Variants in SLC2A9 observed in about 807,000 individuals in gnomAD.
SLC2A9 encodes the protein solute carrier family 2 member 9, also known as solute carrier family 2, facilitated glucose transporter member 9.
Under a neutral mutation model 50.6 loss-of-function variants are expected in SLC2A9, and 39 were observed. The observed-to-expected ratio is 0.77, with a 90% CI of 0.60 to 1.01. The LOEUF (loss-of-function observed/expected upper bound fraction) is 1.01, where lower values mean the gene tolerates loss of function less well. Ranked by LOEUF, SLC2A9 falls within the 50% of genes least tolerant of loss-of-function variation. SLC2A9 has a pLI of 0.00. For missense variants in SLC2A9, 686 were observed against 677.6 expected, an observed-to-expected ratio of 1.01 and a Z score of -0.14; for synonymous variants, 324 against 276.9, an observed-to-expected ratio of 1.17 and a Z score of -1.69.
chr4:10,039,533 G>T (rs1369523855), intron 1 of SLC2A9, among the ~76,000 whole-genome samples: 1 of 152,160 alleles, frequency 6.6e-6, no homozygotes, highest in Non-Finnish European at 1.5e-5. Context: ...TCCTGCTTAT[G>T]CTAGGTGACG....
At chr4:9,968,223 A>G (rs1446305629) in intron 5 of SLC2A9, among the ~76,000 whole-genome samples, 1 of 152,130 alleles carries the variant, frequency 6.6e-6, no homozygotes, top group African/African-American at 2.4e-5. Context: ...TGGTATCTTC[A>G]TTTCTCAAGG....
chr4:9,816,872 C>T (rs1723670953), intron 3 of SLC2A9, among the ~76,000 whole-genome samples: 1 of 151,074 alleles, frequency 6.6e-6, no homozygotes, highest in East Asian at 1.9e-4. Context: ...CTTAAAACAA[C>T]AAAAATTTAT....
At chr4:9,781,234 G>C (rs973036928) in intron 3 of SLC2A9, among the ~76,000 whole-genome samples, 1 of 152,192 alleles carries the variant, frequency 6.6e-6, no homozygotes, top group East Asian at 1.9e-4. Context: ...AGTTATGTAG[G>C]GCCCTTAAAG....
chr4:9,998,461 G>A (rs1759142983), intron 2 of SLC2A9, among the ~76,000 whole-genome samples: 1 of 152,200 alleles, frequency 6.6e-6, no homozygotes. Flanking sequence ...GCCAGTACTT[G>A]AATGGAGCTT....
downstream of SLC2A9, among the ~76,000 whole-genome samples, chr4:9,824,643 A>G (rs1724865749): frequency 6.6e-6 from 1 of 152,198 alleles, no homozygotes; most frequent in South Asian, 2.1e-4. Context: ...TCTCTGGTAG[A>G]CATGGGCTTT....
At chr4:9,926,425 G>A (rs1744920230) in intron 6 of SLC2A9, among the ~76,000 whole-genome samples, 1 of 149,766 alleles carries the variant, frequency 6.7e-6, no homozygotes, top group Non-Finnish European at 1.5e-5. Context: ...AGTATTTAAT[G>A]TTTCCATGCC....
chr4:10,033,761 G>A (rs185533179), intron 1 of SLC2A9, among the ~76,000 whole-genome samples: 3 of 152,164 alleles, frequency 2.0e-5, no homozygotes, highest in South Asian at 2.1e-4. Flanking sequence ...GGCTGGGGAC[G>A]CTGAGGTGGG....
chr4:9,945,267 A>T (rs1375974962), intron 5 of SLC2A9, among the ~76,000 whole-genome samples: 1 of 152,234 alleles, frequency 6.6e-6, no homozygotes. Flanking sequence ...CCTATGCCTC[A>T]GTGTTCTCAT....
At chr4:9,979,774 C>T (rs149142195) in intron 5 of SLC2A9, among the ~76,000 whole-genome samples, 2 of 152,282 alleles carry the variant, frequency 1.3e-5, no homozygotes, top group Non-Finnish European at 2.9e-5. Flanking sequence ...TCTGTGGTGG[C>T]TCAGTGAACA....
chr4:10,037,814 G>T (rs531214976), intron 1 of SLC2A9, among the ~76,000 whole-genome samples: 1 of 152,180 alleles, frequency 6.6e-6, no homozygotes, highest in East Asian at 1.9e-4. Flanking sequence ...TAGCCAGGCG[G>T]GTAGCGCATG....
At chr4:9,799,159 G>C (rs1720980653) in exon 4 of SLC2A9, 1 of 152,168 alleles carries the variant, frequency 6.6e-6, no homozygotes, top group Non-Finnish European at 1.5e-5. Flanking sequence ...AATACCAGCA[G>C]GAGACCAGCC....
intron 11 of SLC2A9, among the ~76,000 whole-genome samples, chr4:9,834,484 TATGATG>T (rs1726697978): frequency 6.6e-6 from 1 of 152,244 alleles, no homozygotes; most frequent in Non-Finnish European, 1.5e-5. Flanking sequence ...TAGCTGTGGT[TATGATG>T]ATGACAATGA....
downstream of SLC2A9, among the ~76,000 whole-genome samples, chr4:9,797,486 G>A (rs993495360): frequency 6.6e-6 from 1 of 152,184 alleles, no homozygotes; most frequent in East Asian, 1.9e-4. Context: ...ATCTTGGCAG[G>A]AGCCCAAGTC....
At chr4:9,791,346 T>C (rs765639447) in intron 3 of SLC2A9, among the ~76,000 whole-genome samples, 87 of 152,122 alleles carry the variant, frequency 5.7e-4, no homozygotes, top group Non-Finnish European at 1.2e-3. Context: ...TAATGCTAGG[T>C]GTATGGAAGC....
chr4:9,843,278 T>G (rs1728393645), intron 10 of SLC2A9, among the ~76,000 whole-genome samples: 1 of 152,212 alleles, frequency 6.6e-6, no homozygotes, highest in African/African-American at 2.4e-5. Flanking sequence ...CTTAAGTGTT[T>G]AACTTCTCAT....
intron 5 of SLC2A9, among the ~76,000 whole-genome samples, chr4:9,948,136 C>T (rs748814223): frequency 6.6e-6 from 1 of 152,036 alleles, no homozygotes; most frequent in Non-Finnish European, 1.5e-5. Context: ...CCACCCCTTA[C>T]CTTCCATGAC....
chr4:9,877,936 A>T (rs1479605998), intron 10 of SLC2A9, among the ~76,000 whole-genome samples: 3 of 152,086 alleles, frequency 2.0e-5, no homozygotes, highest in Non-Finnish European at 4.4e-5. Flanking sequence ...TGTTTGCAGG[A>T]GGGTTTCCTC....
chr4:9,954,510 T>G (rs1750865018), intron 5 of SLC2A9, among the ~76,000 whole-genome samples: 3 of 152,216 alleles, frequency 2.0e-5, no homozygotes. Flanking sequence ...CAGCCATTGG[T>G]CTATACTGGC....
intron 5 of SLC2A9, among the ~76,000 whole-genome samples, chr4:9,963,744 C>T (rs1175521068): frequency 6.6e-6 from 1 of 152,176 alleles, no homozygotes; most frequent in East Asian, 1.9e-4. Flanking sequence ...GAGGTGGGAC[C>T]CGCATTGTGG....
Sources: gnomAD v4.1 joint callset for allele counts (sites outside exome capture counted in the v4.1 genomes callset) on GRCh38, gnomAD v4.1.1 for gene constraint, MANE v1.5 for transcripts, NCBI Gene and HGNC (gene_info 2026-07-23, HGNC 2026-07-21) for gene names.